EXTL3: variants seen among roughly 807,000 people sequenced by gnomAD.
EXTL3 encodes the protein exostosin-like 3.
In EXTL3, 27 loss-of-function variants were observed where a neutral mutation model predicts 69.3. The ratio of observed to expected loss-of-function variants is 0.39; its 90% CI spans 0.29 to 0.54. The LOEUF (loss-of-function observed/expected upper bound fraction) is 0.54, where lower values mean the gene tolerates loss of function less well. EXTL3 is among the 20% of genes least tolerant of loss of function. The pLI is 0.69. For synonymous variants in EXTL3, 511 were observed against 499.4 expected (o/e 1.02, Z -0.31); for missense variants, 1,003 against 1,231.8 (o/e 0.81, Z 2.78).
At chr8:28,687,656 G>C (rs1807599516) in intron 1 of EXTL3, among the ~76,000 whole-genome samples, 1 of 152,200 alleles carries the variant, frequency 6.6e-6, no homozygotes, top group Non-Finnish European at 1.5e-5. Flanking sequence ...AGATTTGGCT[G>C]CTGAAGTCTT....
chr8:28,631,735 T>C (rs917120640), intron 1 of EXTL3: 2 of 152,202 alleles, frequency 1.3e-5, no homozygotes, highest in Non-Finnish European at 2.9e-5. Flanking sequence ...GTTCAAATCC[T>C]AGGTCTGCTA....
chr8:28,608,120 A>AAAAG (rs1166299384), intron 2 of EXTL3, among the ~76,000 whole-genome samples: 6 of 151,852 alleles, frequency 4.0e-5, no homozygotes, highest in East Asian at 1.9e-4. Context: ...AAAAAAAAAA[A>AAAAG]AAAGAAAGAA....
upstream of EXTL3, chr8:28,701,333 C>G (rs1029537839): frequency 1.3e-5 from 2 of 151,932 alleles, no homozygotes; most frequent in African/African-American, 4.8e-5. Flanking sequence ...TCCCACAATC[C>G]CCGGCGCCCG....
chr8:28,742,888 TTGAA>T (rs1212921641), intron 5 of EXTL3, 194 bp from the exon 6 acceptor site: 7 of 632,458 alleles, frequency 1.1e-5, no homozygotes, highest in Non-Finnish European at 2.0e-5. Context: ...TGATGGCAGT[TTGAA>T]TGGGATAATT....
Position 28,750,261 on chromosome 8 carries a change from G to A in EXTL3, c.2551-396G>A, listed in dbSNP as rs979680054. On this transcript the variant is annotated intron_variant, in intron 6 of 6. Coordinates refer to ENST00000220562, the MANE Select transcript of EXTL3 (RefSeq NM_001440.4). This position sits in a 1 kb window ranked among gnomAD's most constrained non-coding sequence, Gnocchi z 5.2. Reference sequence around the variant, plus strand: ...CCCCTCTTTGACTAGCCCCTCTTTGGGTAGTCTTCAATACCCAAAGCCCCT... The same window carrying A: ...CCCCTCTTTGACTAGCCCCTCTTTGAGTAGTCTTCAATACCCAAAGCCCCT... 6.6e-6 allele frequency among the ~76,000 whole-genome samples: 1 copy of A among 152,038 alleles called. No individual in the cohort carries two copies. Among genetic ancestry groups the A allele is most frequent in the South Asian group, 2.1e-4 (1 of 4,812 alleles).
chr8:28,659,421 A>G (rs939432728), intron 1 of EXTL3, among the ~76,000 whole-genome samples: 1 of 152,216 alleles, frequency 6.6e-6, no homozygotes, highest in South Asian at 2.1e-4. Flanking sequence ...TAAGCCAATT[A>G]AACTTGAATG....
chr8:28,643,543 T>A (rs1354975698), intron 1 of EXTL3, among the ~76,000 whole-genome samples: 14 of 151,626 alleles, frequency 9.2e-5, no homozygotes, highest in Non-Finnish European at 5.9e-5. Flanking sequence ...GCCTCCCGAG[T>A]AGCTGGGACT....
chr8:28,651,092 ATCCC>A (rs139551946), intron 1 of EXTL3, among the ~76,000 whole-genome samples: 1,967 of 152,266 alleles, frequency 0.013, 42 homozygotes, highest in African/African-American at 0.044. Context: ...CGGATTAAGC[ATCCC>A]TAATCCCAAA....
intron 2 of EXTL3, among the ~76,000 whole-genome samples, chr8:28,616,274 A>G (rs1806329562): frequency 6.6e-6 from 1 of 151,980 alleles, no homozygotes; most frequent in African/African-American, 2.4e-5. Context: ...ATTAAGAGTC[A>G]GTAACTGAAG....
chr8:28,747,347 C>T (rs888218095), intron 6 of EXTL3, among the ~76,000 whole-genome samples: 17 of 152,102 alleles, frequency 1.1e-4, no homozygotes, highest in Non-Finnish European at 1.9e-4. Flanking sequence ...TGGAGGGGGA[C>T]CTGTGGAGGT....
At chr8:28,743,903 A>G (rs1194613110) in intron 6 of EXTL3, 1 of 154,240 alleles carries the variant, frequency 6.5e-6, no homozygotes, top group African/African-American at 2.4e-5. Flanking sequence ...TGCCTGGCAC[A>G]TAAGTACTAT....
chr8:28,702,372 G>A lies in EXTL3; in HGVS notation c.-570+713G>A, dbSNP rs1460349375. Among the ~76,000 whole-genome samples, 3 of 152,224 alleles carry A rather than the reference G, an allele frequency of 2.0e-5. No individual in the cohort carries two copies. The East Asian group carries it at 5.8e-4, about 29-fold the overall frequency. On this transcript the variant is annotated intron_variant, in intron 1 of 6. Coordinates refer to ENST00000220562, the MANE Select transcript of EXTL3 (RefSeq NM_001440.4). ...AGGGGTGCGCGGGGCGTGTGTGCGC[G>A]GCGGAGCTCCGAGCCCAGCGACGGG...
At chr8:28,634,922 C>G (rs1212329078) in intron 1 of EXTL3, among the ~76,000 whole-genome samples, 1 of 151,972 alleles carries the variant, frequency 6.6e-6, no homozygotes, top group African/African-American at 2.4e-5. Flanking sequence ...CACACTCTAC[C>G]TCCTATCCTA....
chr8:28,683,792 A>T (rs1807530779), intron 1 of EXTL3, among the ~76,000 whole-genome samples: 2 of 152,054 alleles, frequency 1.3e-5, no homozygotes. Flanking sequence ...CCTGGGCCAC[A>T]GTGTGAGACT....
At chr8:28,635,715 C>CCA (rs146671194) in intron 1 of EXTL3, among the ~76,000 whole-genome samples, 16,573 of 142,736 alleles carry the variant, frequency 0.12, 1,290 homozygotes, top group Admixed American at 0.23. Context: ...CCCCACAACT[C>CCA]CACACACACA....
intron 1 of EXTL3, among the ~76,000 whole-genome samples, chr8:28,684,376 T>C (rs1382084746): frequency 6.6e-6 from 1 of 152,218 alleles, no homozygotes; most frequent in Non-Finnish European, 1.5e-5. Context: ...GGTTGTACTA[T>C]CTATCATCAG....
intron 1 of EXTL3, among the ~76,000 whole-genome samples, chr8:28,650,384 A>C (rs1806899765): frequency 6.6e-6 from 1 of 151,618 alleles, no homozygotes; most frequent in Non-Finnish European, 1.5e-5. Context: ...ATTTTGAGAC[A>C]GAGTCTTGCT....
chr8:28,641,212 A>C (rs1303235085), intron 1 of EXTL3, among the ~76,000 whole-genome samples: 1 of 152,148 alleles, frequency 6.6e-6, no homozygotes, highest in Non-Finnish European at 1.5e-5. Flanking sequence ...TGCCATCTGG[A>C]TTTGATGATC....
intron 1 of EXTL3, among the ~76,000 whole-genome samples, chr8:28,660,084 C>T (rs146697230): frequency 2.6e-5 from 4 of 152,222 alleles, no homozygotes; most frequent in East Asian, 1.9e-4. Flanking sequence ...AAAGTTGGGC[C>T]GGGTACAGCG....
Sources: allele counts gnomAD v4.1 joint callset (sites outside exome capture counted in the v4.1 genomes callset), GRCh38; gene constraint gnomAD v4.1.1; non-coding constraint Gnocchi (gnomAD v3.1); transcripts MANE v1.5; gene names NCBI Gene and HGNC (gene_info 2026-07-23, HGNC 2026-07-21).